The following TUB variants were observed in gnomAD, a reference collection of about 807,000 sequenced individuals.
TUB encodes the protein tubby protein homolog.
Under a neutral mutation model 59.7 loss-of-function variants are expected in TUB, and 33 were observed. The observed-to-expected ratio is 0.55, with a 90% confidence interval of 0.42 to 0.74. The LOEUF (loss-of-function observed/expected upper bound fraction) is 0.74. Ranked by LOEUF, TUB falls within the 30% of genes least tolerant of loss-of-function variation. The probability of loss-of-function intolerance (pLI) is 0.00; values close to 1 mark genes in which losing one functional copy is unlikely to be tolerated. For missense variants in TUB, 659 were observed against 672.0 expected (o/e 0.98, Z 0.21); for synonymous variants, 293 against 256.4 (o/e 1.14, Z -1.36).
intron 1 of TUB, among the ~76,000 whole-genome samples, chr11:8,027,763 T>C (rs1357220908): frequency 6.6e-6 from 1 of 152,160 alleles, no homozygotes; most frequent in Non-Finnish European, 1.5e-5. Context: ...GATCCGCCCA[T>C]CTCAGCCTCC....
In TUB at chr11:8,096,680, C is replaced by A; in HGVS notation, c.566-5C>A. The A allele has an allele frequency of 6.3e-7, 1 of 1,582,834 alleles. No individual in the cohort carries two copies. The highest frequency in any genetic ancestry group is 8.7e-7 in the Non-Finnish European group (1 of 1,151,566). ...TCATCCCTTCTTCTTCTCTCCTTGGCCCAGGCATCTCCAGCAGCATGAGCT... is the reference window on the plus strand; with the variant it reads ...TCATCCCTTCTTCTTCTCTCCTTGGACCAGGCATCTCCAGCAGCATGAGCT... On this transcript the variant is annotated splice_region_variant and splice_polypyrimidine_tract_variant and intron_variant, in intron 5 of 11. Coordinates refer to ENST00000299506, the MANE Select transcript of TUB (RefSeq NM_177972.3).
chr11:8,050,212 T>G (rs1023259765), intron 2 of TUB, among the ~76,000 whole-genome samples: 1 of 152,238 alleles, frequency 6.6e-6, no homozygotes, highest in African/African-American at 2.4e-5. Context: ...GTGACTGTTG[T>G]AGTTTGTATA....
intron 2 of TUB, among the ~76,000 whole-genome samples, chr11:8,047,746 G>A (rs1389021429): frequency 1.3e-5 from 2 of 152,268 alleles, no homozygotes; most frequent in East Asian, 1.9e-4. Context: ...AAACCTGCAC[G>A]GAGCCTGAGC....
intron 8 of TUB, among the ~76,000 whole-genome samples, chr11:8,098,106 G>A (rs1589984705): frequency 1.3e-5 from 2 of 152,150 alleles, no homozygotes; most frequent in East Asian, 1.9e-4. Flanking sequence ...CACTGATAAC[G>A]CAGGCCACCA....
intron 2 of TUB, among the ~76,000 whole-genome samples, chr11:8,069,990 C>T (rs1267624576): frequency 6.6e-6 from 1 of 152,224 alleles, no homozygotes; most frequent in Non-Finnish European, 1.5e-5. Flanking sequence ...TGTGGGCATG[C>T]TCTCACGGGA....
upstream of TUB, among the ~76,000 whole-genome samples, chr11:8,081,207 C>G (rs1277137360): frequency 6.6e-6 from 1 of 151,488 alleles, no homozygotes; most frequent in Non-Finnish European, 1.5e-5. Flanking sequence ...CGCTGCCACG[C>G]AGTACTCCCG....
intron 1 of TUB, among the ~76,000 whole-genome samples, chr11:8,086,257 C>G (rs999771434): frequency 6.6e-6 from 1 of 152,156 alleles, no homozygotes; most frequent in African/African-American, 2.4e-5. Flanking sequence ...GTGTGGTTAT[C>G]GTTTAGGTCA....
chr11:8,072,204 C>CGGGG (rs1943373010), intron 2 of TUB, among the ~76,000 whole-genome samples: 1 of 152,168 alleles, frequency 6.6e-6, no homozygotes, highest in Admixed American at 6.5e-5. Context: ...ACAGCCCCAC[C>CGGGG]ACCCCTGGGC....
At chr11:8,078,936 C>T (rs1345783802), upstream of TUB, among the ~76,000 whole-genome samples, 1 of 151,880 alleles carries the variant, frequency 6.6e-6, no homozygotes, top group East Asian at 1.9e-4. Context: ...CACACTCACA[C>T]TCATGCATAC....
chr11:8,021,448 C>T (rs1233803523), intron 1 of TUB, among the ~76,000 whole-genome samples: 6 of 151,692 alleles, frequency 4.0e-5, no homozygotes, highest in Non-Finnish European at 8.8e-5. Flanking sequence ...CCAGCCTGGA[C>T]GACAGAGCTA....
chr11:8,039,727 G>A (rs766366105), intron 2 of TUB: 2 of 1,487,994 alleles, frequency 1.3e-6, no homozygotes, highest in Non-Finnish European at 1.8e-6. Context: ...GCCGGCCCTG[G>A]GAAAGGGCCA....
chr11:8,081,167 G>A (rs1943550598), upstream of TUB, among the ~76,000 whole-genome samples: 1 of 150,882 alleles, frequency 6.6e-6, no homozygotes, highest in Non-Finnish European at 1.5e-5. Flanking sequence ...GGGCGGGGCG[G>A]GGCGGGGCGA....
At chr11:8,019,326 G>C in exon 1 of TUB, 1 of 1,283,736 alleles carries the variant, frequency 7.8e-7, no homozygotes, top group South Asian at 2.7e-5. Flanking sequence ...GCAGCCACCG[G>C]ACCCTGTCTT....
chr11:8,049,696 A>G (rs1011099028), intron 2 of TUB, among the ~76,000 whole-genome samples: 3 of 151,920 alleles, frequency 2.0e-5, no homozygotes, highest in African/African-American at 4.8e-5. Flanking sequence ...TAACATATGT[A>G]TGTAATCACT....
chr11:8,038,764 G>C (rs938295349), exon 1 of TUB: 138 of 1,512,702 alleles, frequency 9.1e-5, no homozygotes, highest in Non-Finnish European at 7.8e-5. Flanking sequence ...AGACATCCAA[G>C]TGCTGGTTTC....
intron 1 of TUB, among the ~76,000 whole-genome samples, chr11:8,081,795 A>T (rs1257235842): frequency 2.0e-5 from 3 of 152,192 alleles, no homozygotes. Context: ...TTGTTGGGTC[A>T]GGCAGCACCA....
chr11:8,046,660 T>C (rs1478735062), intron 2 of TUB, among the ~76,000 whole-genome samples: 3 of 152,216 alleles, frequency 2.0e-5, no homozygotes. Flanking sequence ...GTATTTAGTC[T>C]AAGTGACTAT....
rs1055522231 is a variant in TUB, at chr11:8,049,578, T to TATATATATATATATAGATAG, written c.203+9889_203+9890insTATATATATATAGATAGATA. On this transcript the variant is annotated intron_variant, in intron 2 of 12. Transcript: ENST00000305253. ...ATTATGTGGTATATATATATATATA[T>TATATATATATATATAGATAG]ATAGATAGATAGATAGATAGATAGA... 4.4e-3 allele frequency among the ~76,000 whole-genome samples: 376 copies of TATATATATATATATAGATAG among 85,890 alleles called. 2 individuals carry two copies. The highest frequency in any genetic ancestry group is 8.5e-3 in the African/African-American group (243 of 28,536). 56.3% of individuals were successfully genotyped at this position (85,890 alleles called of 152,430 possible).
rs201579247 is a variant in TUB at position 8,069,701 on chromosome 11, GT to G, written c.204-19900del. On this transcript the variant is annotated intron_variant, in intron 2 of 12. Transcript: ENST00000305253. ...TTGTTTGTTTTTGTTTTTTGCTGTTGTTTTTTTTTCCTTCCAGATAATCTAT... is the reference window on the plus strand; with the variant it reads ...TTGTTTGTTTTTGTTTTTTGCTGTTGTTTTTTTTCCTTCCAGATAATCTAT... 1.2e-3 allele frequency among the ~76,000 whole-genome samples: 179 copies of G among 150,614 alleles called. 1 individual carries two copies. Among genetic ancestry groups the G allele is most frequent in the African/African-American group, 4.0e-3 (164 of 40,956 alleles).
Sources: gnomAD v4.1 joint callset for allele counts (sites outside exome capture counted in the v4.1 genomes callset) on GRCh38, gnomAD v4.1.1 for gene constraint, MANE v1.5 for transcripts, NCBI Gene and HGNC (gene_info 2026-07-23, HGNC 2026-07-21) for gene names.